PIK3R4: variants seen among roughly 807,000 people sequenced by gnomAD.
PIK3R4 encodes the protein phosphoinositide 3-kinase regulatory subunit 4.
In PIK3R4, 46 loss-of-function variants were observed where a neutral mutation model predicts 136.5. The observed-to-expected ratio is 0.34, with a 90% CI of 0.27 to 0.43. The LOEUF (loss-of-function observed/expected upper bound fraction) is 0.43, where lower values mean the gene tolerates loss of function less well. Ranked by LOEUF, PIK3R4 falls within the 20% of genes least tolerant of loss-of-function variation. The pLI is 1.00. For missense variants in PIK3R4, 1,331 were observed against 1,649.5 expected, an observed-to-expected ratio of 0.81 and a Z score of 3.35; for synonymous variants, 557 against 566.7, an observed-to-expected ratio of 0.98 and a Z score of 0.24.
At position 130,690,541 on chromosome 3, in the gene PIK3R4, A is replaced by G. The variant is rs2066511160; in HGVS notation, c.3212T>C (p.Ile1071Thr). The G allele has an allele frequency of 6.2e-7, 1 of 1,613,540 alleles. No homozygotes were observed. Residue 1071 changes from isoleucine (I) to threonine (T), a missense_variant, in exon 14 of 20, where the codon ATT becomes ACT. By Grantham distance (89) the Ile-to-Thr change is moderately conservative. This residue lies in a region of PIK3R4 where 1,180 missense variants were observed against 1,407.0 expected (regional missense o/e 0.84). Coordinates refer to ENST00000356763, the MANE Select transcript of PIK3R4 (RefSeq NM_014602.3). ...AGACTTGGGCAGCTTAGAAGCCTCA[A>G]TTCCAAGAAGCTGGACAGCACCATT... ...SDNGAVQLLG[I>T]EASKLPKSPK... is the part of the protein sequence containing the mutation.
intron 13 of PIK3R4, among the ~76,000 whole-genome samples, chr3:130,696,064 T>C (rs572034900): frequency 1.8e-3 from 267 of 152,314 alleles, no homozygotes; most frequent in African/African-American, 6.2e-3. Flanking sequence ...TTTGCTGGCA[T>C]ACAATTGTTC....
At chr3:130,742,718 A>C (rs960364108) in intron 2 of PIK3R4, among the ~76,000 whole-genome samples, 1 of 152,230 alleles carries the variant, frequency 6.6e-6, no homozygotes, top group Admixed American at 6.5e-5. Flanking sequence ...AATTTGGCTC[A>C]ATTTATGTTT....
At chr3:130,703,259 A>G (rs1464194052) in intron 13 of PIK3R4, among the ~76,000 whole-genome samples, 2 of 152,176 alleles carry the variant, frequency 1.3e-5, no homozygotes, top group African/African-American at 4.8e-5. Flanking sequence ...CTCCAGCCAC[A>G]AAGACCTTTC....
intron 2 of PIK3R4, 21 bp from the exon 3 acceptor site, chr3:130,736,023 T>C: frequency 6.3e-7 from 1 of 1,584,142 alleles, no homozygotes; most frequent in South Asian, 1.1e-5. Context: ...GCAGGTATAA[T>C]TCTGTTAGAA....
intron 14 of PIK3R4, among the ~76,000 whole-genome samples, chr3:130,687,289 A>G (rs2066495468): frequency 6.6e-6 from 1 of 152,172 alleles, no homozygotes; most frequent in Non-Finnish European, 1.5e-5. Context: ...GTGACATCAT[A>G]TTAGCATTCG....
chr3:130,702,747 T>C (rs2066581900), intron 13 of PIK3R4, among the ~76,000 whole-genome samples: 2 of 152,198 alleles, frequency 1.3e-5, no homozygotes, highest in Non-Finnish European at 2.9e-5. Context: ...GTTGTACAAA[T>C]CTAAAATATT....
intron 12 of PIK3R4, among the ~76,000 whole-genome samples, chr3:130,704,751 T>G (rs2200367): frequency 0.21 from 31,386 of 152,122 alleles, 3,497 homozygotes; most frequent in South Asian, 0.36. Context: ...ATGGAACTGT[T>G]TCCTCAAAAT....
intron 17 of PIK3R4, 98 bp from the exon 18 acceptor site, chr3:130,681,163 C>A (rs2066456221): frequency 1.3e-6 from 1 of 764,912 alleles, no homozygotes; most frequent in African/African-American, 1.7e-5. Flanking sequence ...AGTAGCTTTA[C>A]AAGCACCTGG....
intron 11 of PIK3R4, among the ~76,000 whole-genome samples, chr3:130,706,131 G>C (rs2066605134): frequency 6.6e-6 from 1 of 152,232 alleles, no homozygotes; most frequent in South Asian, 2.1e-4. Flanking sequence ...GACTGACTAG[G>C]AAAGAGCTGC....
intron 2 of PIK3R4, among the ~76,000 whole-genome samples, chr3:130,741,161 A>G (rs2066821255): frequency 6.6e-6 from 1 of 152,190 alleles, no homozygotes; most frequent in African/African-American, 2.4e-5. Flanking sequence ...TTGTAGGCAG[A>G]GCCTTTAAGG....
At position 130,718,633 on chromosome 3, in the gene PIK3R4, CCA is replaced by C. The variant is rs2066680616; in HGVS notation, c.1982-101_1982-100del. 21 of 1,180,642 alleles carry C rather than the reference CCA, an allele frequency of 1.8e-5. No homozygotes were observed. In the South Asian group the frequency reaches 2.1e-4, roughly 12 times the overall value. The allele number at this position is 1,180,642 out of a possible 1,614,324, so 73.1% of individuals were successfully genotyped here. A position where few individuals can be genotyped will look rare whatever the true frequency, so the allele number is the denominator to read the frequency against. ...TAACGTAACTGACAAAAGGATTTTG[CCA>C]CAGTGTTACTATCAGGAGCCTTCAC... On this transcript the variant is annotated intron_variant, in intron 7 of 19. Transcript: ENST00000356763.
chr3:130,692,464 G>A (rs1378475426), intron 13 of PIK3R4, among the ~76,000 whole-genome samples: 2 of 152,106 alleles, frequency 1.3e-5, no homozygotes, highest in Non-Finnish European at 2.9e-5. Context: ...CATACATTGT[G>A]TGGTCTTTTA....
chr3:130,718,977 G>A (rs1422244327), intron 7 of PIK3R4, among the ~76,000 whole-genome samples: 1 of 152,092 alleles, frequency 6.6e-6, no homozygotes, highest in East Asian at 1.9e-4. Context: ...AAATTGGGGA[G>A]AATTTACTTC....
chr3:130,720,202 CTTT>C (rs897493817), intron 7 of PIK3R4, among the ~76,000 whole-genome samples: 4 of 149,396 alleles, frequency 2.7e-5, no homozygotes, highest in Non-Finnish European at 6.0e-5. Flanking sequence ...TCTTTTCTTC[CTTT>C]TTTTTTTGAG....
At chr3:130,695,415 A>G (rs549386084) in intron 13 of PIK3R4, among the ~76,000 whole-genome samples, 5 of 152,296 alleles carry the variant, frequency 3.3e-5, no homozygotes, top group African/African-American at 4.8e-5. Context: ...GTCAGAAAAT[A>G]TTAAATGGAA....
At chr3:130,680,891 A>G (rs1319792690) in intron 18 of PIK3R4, 86 bp downstream of exon 18, 1 of 791,270 alleles carries the variant, frequency 1.3e-6, no homozygotes, top group Non-Finnish European at 2.1e-6. Flanking sequence ...TCCTTATAAG[A>G]TGATTTTAAA....
chr3:130,723,062 CAAAAAAAAAAAAAAAAAAAA>C (rs61129038), intron 7 of PIK3R4, among the ~76,000 whole-genome samples: 1 of 19,494 alleles, frequency 5.1e-5, no homozygotes. Context: ...GAGACTGTCG[CAAAAAAAAAAAAAAAAAAAA>C]AAAAAAAAAA....
rs1175833384 is a variant in PIK3R4, at chr3:130,746,586, A to C, written c.-315T>G. ...GCCACGCTAAAGAGTCTCCACAAGT[A>C]CCCCGGGATTTGACCCCTCCAGCCC... is the stretch of plus-strand genomic sequence containing the variant. On this transcript the variant is annotated 5_prime_UTR_variant, in exon 1 of 20. Transcript: ENST00000356763. The C allele has an allele frequency of 6.6e-6, 1 of 151,984 alleles. No homozygotes were observed. Among genetic ancestry groups the C allele is most frequent in the African/African-American group, 2.4e-5 (1 of 41,344 alleles). 9.4% of individuals were successfully genotyped at this position (151,984 alleles called of 1,614,324 possible). A position where few individuals can be genotyped will look rare whatever the true frequency, so the allele number is the denominator to read the frequency against.
At chr3:130,689,986 ATT>A (rs1446680396) in intron 14 of PIK3R4, among the ~76,000 whole-genome samples, 1 of 152,188 alleles carries the variant, frequency 6.6e-6, no homozygotes, top group East Asian at 1.9e-4. Context: ...AACCACCGCT[ATT>A]TTGTTTTAAA....
Sources: gnomAD v4.1 joint callset for allele counts (sites outside exome capture counted in the v4.1 genomes callset) on GRCh38, gnomAD v4.1.1 for gene constraint, gnomAD v4.1.1 regional missense constraint, MANE v1.5 for transcripts, NCBI Gene and HGNC (gene_info 2026-07-23, HGNC 2026-07-21) for gene names.